Variants in SPATA13 observed in about 807,000 individuals in gnomAD.
SPATA13 encodes spermatogenesis associated 13.
In SPATA13, 50 loss-of-function variants were observed where a neutral mutation model predicts 104.0. The observed-to-expected ratio is 0.48, with a 90% CI of 0.38 to 0.61. The LOEUF (loss-of-function observed/expected upper bound fraction) is 0.61. Among genes scored for constraint, SPATA13 ranks in the 20% least tolerant of loss-of-function variants. The pLI is 0.00. For missense variants in SPATA13, 1,524 were observed against 1,690.6 expected, an observed-to-expected ratio of 0.90 and a Z score of 1.73; for synonymous variants, 606 against 667.5, an observed-to-expected ratio of 0.91 and a Z score of 1.42.
chr13:24,210,884 C>G (rs1473972572), intron 1 of SPATA13, among the ~76,000 whole-genome samples: 2 of 150,362 alleles, frequency 1.3e-5, no homozygotes, highest in Admixed American at 6.6e-5. Context: ...TATAGGATAT[C>G]TTTCCATTTA....
intron 4 of SPATA13, among the ~76,000 whole-genome samples, chr13:24,267,775 A>C (rs1874363670): frequency 6.6e-6 from 1 of 152,232 alleles, no homozygotes; most frequent in Non-Finnish European, 1.5e-5. Context: ...GACTAAACTC[A>C]AGCCCACCCA....
At chr13:24,258,957 T>C (rs1485897893) in intron 4 of SPATA13, among the ~76,000 whole-genome samples, 1 of 152,216 alleles carries the variant, frequency 6.6e-6, no homozygotes, top group Non-Finnish European at 1.5e-5. Context: ...GAGCATATCC[T>C]AGCTAGCCAC....
chr13:24,286,134 G>A lies in SPATA13; in HGVS notation c.2302-80G>A. Reference sequence around the variant, plus strand: ...AGTGAGAGGATACCAGTGTCACCCTGAGAGAGTGCACCTAGTGGCTCCCTC... The same window carrying A: ...AGTGAGAGGATACCAGTGTCACCCTAAGAGAGTGCACCTAGTGGCTCCCTC... On this transcript the variant is annotated intron_variant, in intron 5 of 12. Transcript: ENST00000382108. The surrounding 1 kb of genome is among the most constrained non-coding windows in gnomAD (Gnocchi z 4.9). 7.2e-7 allele frequency: 1 copy of A among 1,380,870 alleles called. No individual in the cohort carries two copies. The highest frequency in any genetic ancestry group is 9.9e-7 in the Non-Finnish European group (1 of 1,005,186). The allele number at this position is 1,380,870 out of a possible 1,614,324, so 85.5% of individuals were successfully genotyped here.
At chr13:24,022,723 T>C (rs977095719) in intron 3 of SPATA13, among the ~76,000 whole-genome samples, 1 of 152,166 alleles carries the variant, frequency 6.6e-6, no homozygotes, top group Non-Finnish European at 1.5e-5. Context: ...TCTGGCAGCA[T>C]GTGGGAGGAT....
At chr13:24,279,343 G>C (rs991424735) in intron 4 of SPATA13, among the ~76,000 whole-genome samples, 2 of 152,196 alleles carry the variant, frequency 1.3e-5, no homozygotes, top group Admixed American at 1.3e-4. Context: ...GTGTATCTGG[G>C]GAGAGGTCTC....
At chr13:24,070,555 G>A (rs1235937354) in intron 3 of SPATA13, among the ~76,000 whole-genome samples, 1 of 152,204 alleles carries the variant, frequency 6.6e-6, no homozygotes, top group Non-Finnish European at 1.5e-5. Flanking sequence ...TGTTTATTGT[G>A]ATGATTAAAT....
intron 3 of SPATA13, among the ~76,000 whole-genome samples, chr13:24,040,992 G>A (rs1246971000): frequency 6.6e-6 from 1 of 152,178 alleles, no homozygotes; most frequent in Non-Finnish European, 1.5e-5. Flanking sequence ...GGTGCTGGTG[G>A]GTCACATGGT....
rs118098183 is a variant in SPATA13 at position 24,118,146 on chromosome 13, A to G, written c.-112+100445A>G. ...GAAATCTGGAACAGCACGTAACTCC[A>G]AACCTGAGCGTAGACCACCACTGCA... On this transcript the variant is annotated intron_variant, in intron 3 of 14. Transcript: ENST00000424834. Among the ~76,000 whole-genome samples the G allele has an allele frequency of 3.2e-3, 491 of 152,302 alleles. 9 individuals are homozygous for G. In the East Asian group the frequency reaches 0.057, roughly 18 times the overall value.
intron 8 of SPATA13, among the ~76,000 whole-genome samples, chr13:24,289,798 A>G (rs897296648): frequency 6.6e-6 from 1 of 152,214 alleles, no homozygotes; most frequent in African/African-American, 2.4e-5. Context: ...AAAGGATTTC[A>G]GAGGAAGATT....
At chr13:24,128,781 T>C (rs1338965036) in intron 3 of SPATA13, among the ~76,000 whole-genome samples, 1 of 151,912 alleles carries the variant, frequency 6.6e-6, no homozygotes, top group East Asian at 1.9e-4. Flanking sequence ...AATACGTACC[T>C]AAGGTTAGCC....
At chr13:24,279,162 G>A (rs1875292807) in intron 4 of SPATA13, among the ~76,000 whole-genome samples, 1 of 152,202 alleles carries the variant, frequency 6.6e-6, no homozygotes. Context: ...GGAGACAGTG[G>A]AGTGAGAGTG....
intron 3 of SPATA13, among the ~76,000 whole-genome samples, chr13:24,068,461 T>C (rs560468708): frequency 3.3e-5 from 5 of 152,362 alleles, no homozygotes; most frequent in African/African-American, 1.2e-4. Flanking sequence ...GTCTTTATAA[T>C]AGAACAATTT....
intron 1 of SPATA13, among the ~76,000 whole-genome samples, chr13:24,212,858 G>A (rs1479060396): frequency 2.0e-5 from 3 of 152,250 alleles, no homozygotes; most frequent in Admixed American, 2.0e-4. Flanking sequence ...GACCCCTGAA[G>A]TTGCTGCCGT....
chr13:24,297,689 G>A lies in SPATA13; in HGVS notation c.3537G>A (p.Gln1179=), dbSNP rs1434834704. 4 of 1,614,050 alleles carry A rather than the reference G, an allele frequency of 2.5e-6. No homozygotes were observed. The highest frequency in any genetic ancestry group is 3.4e-6 in the Non-Finnish European group (4 of 1,180,002). ...AAGAAGACAAGGCGAGGTGGCTGCA[G>A]GCCTGTGCAGATGAAAGGAGGCGGG... ...KKQEDKARWL[Q]ACADERRRVQ... The change falls in exon 11 of 13, where the codon CAG becomes CAA. Residue 1179 remains glutamine, a synonymous_variant. Transcript: ENST00000382108.
rs1876300510 is a variant in SPATA13, at chr13:24,290,837, C to G, written c.3033C>G (p.Tyr1011Ter). 6 of 1,614,156 alleles carry G rather than the reference C, an allele frequency of 3.7e-6. No individual in the cohort carries two copies. The highest frequency in any genetic ancestry group is 4.2e-6 in the Non-Finnish European group (5 of 1,180,036). Residue 1011 changes from tyrosine to a stop codon, truncating the protein, a stop_gained, in exon 9 of 13, where the codon TAC becomes TAG. Transcript: ENST00000382108. LOFTEE classifies it high-confidence loss of function. ...CACCAGTGCAGAAGATCTGCAAATA[C>G]CCGCTGCAGCTGGCCGAGCTGCTCA... is the stretch of plus-strand genomic sequence containing the variant. ...LLTPVQKICK[Y>*]PLQLAELLKY...
chr13:24,250,482 G>A (rs756047271), intron 3 of SPATA13, among the ~76,000 whole-genome samples: 1 of 152,114 alleles, frequency 6.6e-6, no homozygotes, highest in African/African-American at 2.4e-5. Flanking sequence ...ACTTATTTGT[G>A]GAGGCTAATA....
chr13:24,153,201 C>A (rs772194636), intron 3 of SPATA13, among the ~76,000 whole-genome samples: 1 of 152,196 alleles, frequency 6.6e-6, no homozygotes, highest in Non-Finnish European at 1.5e-5. Context: ...GGCAAAGGAG[C>A]TGTCATGCTG....
intron 1 of SPATA13, among the ~76,000 whole-genome samples, chr13:24,204,086 T>C (rs1456799710): frequency 3.3e-5 from 5 of 152,166 alleles, no homozygotes; most frequent in Non-Finnish European, 5.9e-5. Flanking sequence ...AGGGGGAGTG[T>C]GGCTTCCTGA....
At chr13:24,037,376 A>G (rs1877729890) in intron 3 of SPATA13, among the ~76,000 whole-genome samples, 1 of 147,394 alleles carries the variant, frequency 6.8e-6, no homozygotes, top group African/African-American at 2.5e-5. Context: ...AAAAAAAAAG[A>G]AAAGAAAACA....
Sources: gnomAD v4.1 joint callset for allele counts (sites outside exome capture counted in the v4.1 genomes callset) on GRCh38, gnomAD v4.1.1 for gene constraint, Gnocchi (gnomAD v3.1) non-coding constraint, MANE v1.5 for transcripts, NCBI Gene and HGNC (gene_info 2026-07-23, HGNC 2026-07-21) for gene names.